The following PARP4 variants were observed in gnomAD, a reference collection of about 807,000 sequenced individuals.
PARP4 encodes poly(ADP-ribose) polymerase family member 4, also known as protein mono-ADP-ribosyltransferase PARP4.
Under a neutral mutation model 187.7 loss-of-function variants are expected in PARP4, and 120 were observed. The ratio of observed to expected loss-of-function variants is 0.64; its 90% confidence interval spans 0.55 to 0.74. The LOEUF (loss-of-function observed/expected upper bound fraction) is 0.74, where lower values mean the gene tolerates loss of function less well. Among genes scored for constraint, PARP4 ranks in the 30% least tolerant of loss-of-function variants. The pLI, the probability that PARP4 is intolerant of heterozygous loss-of-function variation, is 0.00. For missense variants in PARP4, 1,836 were observed against 2,070.5 expected (o/e 0.89, Z 2.20); for synonymous variants, 654 against 740.9 (o/e 0.88, Z 1.90).
In PARP4 at chr13:24,452,548, G is replaced by A. The variant is rs773611182; in HGVS notation, c.2872C>T (p.Arg958Ter). 18 of 1,613,860 alleles carry A rather than the reference G, an allele frequency of 1.1e-5. No individual in the cohort carries two copies. Among genetic ancestry groups the A allele is most frequent in the East Asian group, 6.7e-5 (3 of 44,884 alleles). ...MGNTDFWKTL[R>*]YLSLLYPARG... is the part of the protein sequence containing the mutation. The stretch of plus-strand genomic sequence containing the variant: ...GCAGGGTACAATAAGCTAAGATATC[G>A]GAGTGTTTTCCAGAAGTCTGTGTTC... Residue 958 changes from arginine to a stop codon, truncating the protein, a stop_gained, in exon 24 of 34, where the codon CGA (arginine) becomes TGA (stop). Transcript: ENST00000381989. LOFTEE classifies it high-confidence loss of function.
intron 1 of PARP4, among the ~76,000 whole-genome samples, chr13:24,512,482 A>T (rs1870068639): frequency 6.6e-6 from 1 of 152,100 alleles, no homozygotes; most frequent in Non-Finnish European, 1.5e-5. Context: ...TCTCGTCACC[A>T]GGGCTGCGCC....
intron 17 of PARP4, among the ~76,000 whole-genome samples, chr13:24,466,992 A>G (rs1198290568): frequency 2.0e-5 from 3 of 152,178 alleles, no homozygotes; most frequent in African/African-American, 7.2e-5. Context: ...AAAATGACCT[A>G]AACAATACAA....
rs1872127433 is a variant in PARP4 at position 24,460,046 on chromosome 13, T to G, written c.2224A>C (p.Thr742Pro). 1 of 1,613,992 alleles carries G rather than the reference T, an allele frequency of 6.2e-7. No individual in the cohort carries two copies. The highest frequency in any genetic ancestry group is 1.3e-5 in the African/African-American group (1 of 75,018). ...GCGGGCATGAAAAAGACACCAACAGTGCCCAGGATGCTGAGTTCTGTGATG... is the reference window on the plus strand; with the variant it reads ...GCGGGCATGAAAAAGACACCAACAGGGCCCAGGATGCTGAGTTCTGTGATG... Reference protein sequence around the residue: ...TYITELSILGTVGVFFMPATV... With the variant: ...TYITELSILGPVGVFFMPATV... The change falls in exon 18 of 34, where the codon ACT becomes CCT. Residue 742 changes from threonine (T) to proline (P), a missense_variant. Coordinates refer to ENST00000381989, the MANE Select transcript of PARP4 (RefSeq NM_006437.4).
intron 6 of PARP4, among the ~76,000 whole-genome samples, chr13:24,497,653 C>A (rs982349700): frequency 6.6e-6 from 1 of 152,124 alleles, no homozygotes; most frequent in African/African-American, 2.4e-5. Context: ...GAACTGTACC[C>A]CTACAAAATG....
intron 23 of PARP4, among the ~76,000 whole-genome samples, chr13:24,453,257 T>TC (rs59782084): frequency 2.7e-5 from 4 of 150,784 alleles, no homozygotes; most frequent in Non-Finnish European, 5.9e-5. Context: ...TTTCTTTCTT[T>TC]TTTTTTTTTA....
intron 17 of PARP4, among the ~76,000 whole-genome samples, chr13:24,465,453 C>CAGCCATAAAAAGGAATG (rs57842735): frequency 0.51 from 77,160 of 151,744 alleles, 19,963 homozygotes; most frequent in South Asian, 0.65. Flanking sequence ...GAATACCATG[C>CAGCCATAAAAAGGAATG]AGACCATGTC....
rs1483343215 is a variant in PARP4, at chr13:24,492,446, AAT to A, written c.1026_1027del (p.Leu343GlyfsTer2). ...CTGGCAGAGGTCTGCTTTCTTAGCC[AAT>A]AGTCCCAGGTTCACTTCTTTGGGCA... On this transcript the variant is annotated frameshift_variant, in exon 9 of 34. Coordinates refer to ENST00000381989, the MANE Select transcript of PARP4 (RefSeq NM_006437.4). LOFTEE classifies it high-confidence loss of function. The A allele has an allele frequency of 6.2e-7, 1 of 1,613,812 alleles. No homozygotes were observed. Among genetic ancestry groups the A allele is most frequent in the East Asian group, 2.2e-5 (1 of 44,868 alleles).
chr13:24,478,267 G>A lies in PARP4; in HGVS notation c.1458C>T (p.Ile486=), dbSNP rs1486004744. ...CTGTCTCTCCCGGGTGTGAGTACTT[G>A]ATACTTGTACTACATGCGAAAGGAA... ...IYFSDSLSTS[I]KYSHPGETDG... is the part of the protein sequence containing the mutation. Residue 486 remains isoleucine, a synonymous_variant, in exon 13 of 34, where the codon ATC becomes ATT. Coordinates refer to ENST00000381989, the MANE Select transcript of PARP4 (RefSeq NM_006437.4). 6 of 1,606,394 alleles carry A rather than the reference G, an allele frequency of 3.7e-6. No homozygotes were observed. Among genetic ancestry groups the A allele is most frequent in the African/African-American group, 1.3e-5 (1 of 74,836 alleles).
chr13:24,501,737 A>G lies in PARP4; in HGVS notation c.230T>C (p.Ile77Thr). The G allele has an allele frequency of 6.2e-7, 1 of 1,611,030 alleles. No homozygotes were observed. The highest frequency in any genetic ancestry group is 8.5e-7 in the Non-Finnish European group (1 of 1,177,194). Residue 77 changes from isoleucine (I) to threonine (T), a missense_variant, in exon 3 of 34, where the codon ATA becomes ACA. Physicochemically the swap from Ile to Thr is moderately conservative, Grantham distance 89 (BLOSUM62 -1). Coordinates refer to ENST00000381989, the MANE Select transcript of PARP4 (RefSeq NM_006437.4). ...NHVHIANPDF[I>T]WKSIREKRLL... ...TCTCTTTTCCCTGATAGATTTCCAT[A>G]TAAAATCTGGGTTTGCAATATGAAC...
chr13:24,429,589 T>C (rs1321554992), intron 32 of PARP4, among the ~76,000 whole-genome samples: 3 of 152,204 alleles, frequency 2.0e-5, no homozygotes, highest in Non-Finnish European at 4.4e-5. Context: ...ATGACCCTTT[T>C]ATGGTTTCAA....
intron 33 of PARP4, 27 bp downstream of exon 33, chr13:24,426,439 G>A (rs755406445): frequency 6.5e-7 from 1 of 1,536,068 alleles, no homozygotes; most frequent in Non-Finnish European, 8.9e-7. Context: ...ATATAAATAA[G>A]TTGCATAATA....
chr13:24,509,226 G>A lies in PARP4; in HGVS notation c.-2+3480C>T, dbSNP rs529853944. 2.6e-5 allele frequency among the ~76,000 whole-genome samples: 4 copies of A among 152,260 alleles called. No individual in the cohort carries two copies. The East Asian group carries it at 7.7e-4, about 29-fold the overall frequency. ...AAATTATTAAAAATTATTGAATTAGGCCAGGCAATGTGGCTCATGCCTGTA... is the reference window on the plus strand; with the variant it reads ...AAATTATTAAAAATTATTGAATTAGACCAGGCAATGTGGCTCATGCCTGTA... On this transcript the variant is annotated intron_variant, in intron 1 of 33. Coordinates refer to ENST00000381989, the MANE Select transcript of PARP4 (RefSeq NM_006437.4).
At chr13:24,430,787 G>A in intron 32 of PARP4, among the ~76,000 whole-genome samples, 1 of 152,134 alleles carries the variant, frequency 6.6e-6, no homozygotes, top group African/African-American at 2.4e-5. Flanking sequence ...TCCAGAGGTT[G>A]AACAACTGCC....
At chr13:24,468,948 G>GC (rs1872613846) in intron 17 of PARP4, 76 bp downstream of exon 17, 4 of 1,080,200 alleles carry the variant, frequency 3.7e-6, no homozygotes, top group Non-Finnish European at 5.7e-6. Context: ...CCTCTAGCAT[G>GC]AAATTCGTAT....
At chr13:24,483,882 C>T (rs1873413031) in intron 12 of PARP4, among the ~76,000 whole-genome samples, 1 of 152,242 alleles carries the variant, frequency 6.6e-6, no homozygotes, top group Admixed American at 6.5e-5. Context: ...CTGCCTTGGC[C>T]TCCCAAAGTG....
chr13:24,494,290 A>AATTC (rs1338762467), intron 7 of PARP4, among the ~76,000 whole-genome samples: 1 of 152,092 alleles, frequency 6.6e-6, no homozygotes, highest in African/African-American at 2.4e-5. Flanking sequence ...CGAACTGCTG[A>AATTC]ATTCAAGTGG....
At chr13:24,471,432 G>C (rs1027578635) in intron 15 of PARP4, among the ~76,000 whole-genome samples, 4 of 152,136 alleles carry the variant, frequency 2.6e-5, no homozygotes, top group African/African-American at 9.7e-5. Flanking sequence ...TTTAGATAAC[G>C]ACAATAAAAG....
intron 12 of PARP4, 25 bp downstream of exon 12, chr13:24,484,628 T>G: frequency 2.0e-6 from 3 of 1,487,744 alleles, no homozygotes; most frequent in Non-Finnish European, 2.8e-6. Flanking sequence ...TCAGTAACGA[T>G]TCTGTGATTA....
At chr13:24,443,408 A>G (rs151076276) in intron 28 of PARP4, among the ~76,000 whole-genome samples, 100 of 152,130 alleles carry the variant, frequency 6.6e-4, no homozygotes, top group African/African-American at 2.3e-3. Context: ...GCTTCTTCTG[A>G]TAAGTAAAAC....
Sources: allele counts gnomAD v4.1 joint callset (sites outside exome capture counted in the v4.1 genomes callset), GRCh38; gene constraint gnomAD v4.1.1; transcripts MANE v1.5; gene names NCBI Gene and HGNC (gene_info 2026-07-23, HGNC 2026-07-21).